The following SLC9A8 variants were observed in gnomAD, a reference collection of about 807,000 sequenced individuals.
SLC9A8 encodes the protein sodium/hydrogen exchanger 8.
A neutral mutation model predicts 66.6 loss-of-function variants in SLC9A8; 48 were observed. The ratio of observed to expected loss-of-function variants is 0.72; its 90% CI spans 0.57 to 0.92. SLC9A8 has a LOEUF of 0.92. Ranked by LOEUF, SLC9A8 falls within the 40% of genes least tolerant of loss-of-function variation. SLC9A8 has a pLI of 0.00. For synonymous variants in SLC9A8, 274 were observed against 282.6 expected (o/e 0.97, Z 0.31); for missense variants, 599 against 747.3 (o/e 0.80, Z 2.31).
chr20:49,824,071 A>G (rs964495543), intron 3 of SLC9A8, among the ~76,000 whole-genome samples: 1 of 152,252 alleles, frequency 6.6e-6, no homozygotes, highest in Non-Finnish European at 1.5e-5. Context: ...CAGCAGTCCT[A>G]CTACCTTGGT....
Position 49,886,217 on chromosome 20 carries a change from A to G in SLC9A8, c.1492-535A>G, listed in dbSNP as rs1411165152. On this transcript the variant is annotated intron_variant, in intron 14 of 15. Coordinates refer to ENST00000361573, the MANE Select transcript of SLC9A8 (RefSeq NM_015266.3). This position sits in a 1 kb window ranked among gnomAD's most constrained non-coding sequence, Gnocchi z 4.8. ...CTCAGAGCCTGTCTGCTTTGCTCCT[A>G]CCTATGACCCGAGTCCCGCCTCTTT... is the stretch of plus-strand genomic sequence containing the variant. Among the ~76,000 whole-genome samples the G allele has an allele frequency of 6.6e-6, 1 of 150,530 alleles. No individual in the cohort carries two copies. Among genetic ancestry groups the G allele is most frequent in the Non-Finnish European group, 1.5e-5 (1 of 67,632 alleles).
intron 1 of SLC9A8, among the ~76,000 whole-genome samples, chr20:49,814,246 A>C (rs2086464786): frequency 6.6e-6 from 1 of 152,198 alleles, no homozygotes; most frequent in Non-Finnish European, 1.5e-5. Context: ...GAAGTTTTGC[A>C]ACCTCCCTGA....
At chr20:49,876,721 C>CA (rs968760739) in intron 11 of SLC9A8, among the ~76,000 whole-genome samples, 75 of 152,166 alleles carry the variant, frequency 4.9e-4, no homozygotes, top group African/African-American at 1.5e-3. Flanking sequence ...CCAACTGTGG[C>CA]AAAGTGGCAG....
At chr20:49,884,690 C>T (rs1347044660) in intron 14 of SLC9A8, among the ~76,000 whole-genome samples, 1 of 152,098 alleles carries the variant, frequency 6.6e-6, no homozygotes, top group Non-Finnish European at 1.5e-5. Flanking sequence ...GGGTACTCCC[C>T]CAAGGACAGA....
intron 3 of SLC9A8, among the ~76,000 whole-genome samples, chr20:49,831,400 A>T (rs1228346406): frequency 1.4e-5 from 2 of 139,834 alleles, no homozygotes; most frequent in Admixed American, 1.4e-4. Flanking sequence ...AAACACACAC[A>T]CACTCTCTCT....
rs971764442 is a variant in SLC9A8, at chr20:49,890,388, T to TAG, written c.*2453_*2454insGA. On this transcript the variant is annotated 3_prime_UTR_variant, in exon 16 of 16. Coordinates refer to ENST00000361573, the MANE Select transcript of SLC9A8 (RefSeq NM_015266.3). Reference sequence around the variant, plus strand: ...ATAGAAGATATAAAAATACGCAGCTTAACTATATCTTCCTGCGTGTGTATT... The same window carrying TAG: ...ATAGAAGATATAAAAATACGCAGCTTAGAACTATATCTTCCTGCGTGTGTATT... 2.7e-4 allele frequency: 41 copies of TAG among 152,336 alleles called. No homozygotes were observed. Among genetic ancestry groups the TAG allele is most frequent in the African/African-American group, 9.9e-4 (41 of 41,570 alleles). The allele number at this position is 152,336 out of a possible 1,614,324, so 9.4% of individuals were successfully genotyped here. A position where few individuals can be genotyped will look rare whatever the true frequency, so the allele number is the denominator to read the frequency against.
rs749149085 is a variant in SLC9A8 at position 49,823,023 on chromosome 20, GT to G, written c.209-30del. 2.1e-5 allele frequency: 32 copies of G among 1,530,018 alleles called. No homozygotes were observed. The South Asian group carries it at 2.1e-4, about 10-fold the overall frequency. 94.8% of individuals were successfully genotyped at this position (1,530,018 alleles called of 1,614,324 possible). On this transcript the variant is annotated intron_variant, in intron 2 of 15. Transcript: ENST00000361573. ...TGGTGTTTATCATTCAGAATTGAGT[GT>G]TTTTTTTAAAACATTGTATTATTTT...
At position 49,886,809 on chromosome 20, in the gene SLC9A8, C is replaced by T. The variant is rs1247835947; in HGVS notation, c.1549C>T (p.His517Tyr). The change falls in exon 15 of 16, where the codon CAC (histidine) becomes TAC (tyrosine). Residue 517 changes from histidine (H) to tyrosine (Y), a missense_variant. This residue lies in a region of SLC9A8 where 467 missense variants were observed against 626.5 expected (regional missense o/e 0.75). Transcript: ENST00000361573. The surrounding 1 kb of genome is among the most constrained non-coding windows in gnomAD (Gnocchi z 4.8). ...GCTCACGGAGGAGGAGTACGAGGCC[C>T]ACTACATCAGGCGGCAGGACCTTAA... ...SELTEEEYEA[H>Y]YIRRQDLKGF... is the part of the protein sequence containing the mutation. 6.2e-7 allele frequency: 1 copy of T among 1,614,178 alleles called. No homozygotes were observed.
chr20:49,820,212 G>A (rs1174450026), intron 2 of SLC9A8, among the ~76,000 whole-genome samples: 1 of 152,064 alleles, frequency 6.6e-6, no homozygotes, highest in Non-Finnish European at 1.5e-5. Context: ...TGATAGACTG[G>A]GCGTGGTGGC....
chr20:49,823,469 A>G (rs2086813625), intron 3 of SLC9A8, among the ~76,000 whole-genome samples: 1 of 152,196 alleles, frequency 6.6e-6, no homozygotes, highest in African/African-American at 2.4e-5. Flanking sequence ...GCTGACATCC[A>G]ACTCAACTAA....
chr20:49,846,394 A>G (rs1320374070), intron 5 of SLC9A8, among the ~76,000 whole-genome samples: 1 of 151,668 alleles, frequency 6.6e-6, no homozygotes. Context: ...CACAACACAG[A>G]TCTAATCATG....
intron 11 of SLC9A8, among the ~76,000 whole-genome samples, chr20:49,875,822 C>T (rs985001022): frequency 2.0e-5 from 3 of 151,986 alleles, no homozygotes; most frequent in African/African-American, 4.8e-5. Context: ...GCAAGCTCCG[C>T]CTCCCGGGTT....
chr20:49,864,557 A>G lies in SLC9A8; in HGVS notation c.853-182A>G, dbSNP rs753416310. Among the ~76,000 whole-genome samples the G allele has an allele frequency of 3.3e-5, 5 of 152,336 alleles. 1 individual carries two copies. In the South Asian group the frequency reaches 8.3e-4, roughly 25 times the overall value. ...TGTTTTGTCAGATTCCCTTTCTTATAGCAACAGTCTCCCTACAAAGGAAAA... is the reference window on the plus strand; with the variant it reads ...TGTTTTGTCAGATTCCCTTTCTTATGGCAACAGTCTCCCTACAAAGGAAAA... On this transcript the variant is annotated intron_variant, in intron 9 of 15. Coordinates refer to ENST00000361573, the MANE Select transcript of SLC9A8 (RefSeq NM_015266.3).
chr20:49,880,450 G>A (rs188340169), intron 12 of SLC9A8, among the ~76,000 whole-genome samples: 1 of 152,216 alleles, frequency 6.6e-6, no homozygotes, highest in Admixed American at 6.5e-5. Flanking sequence ...TCCATGCATG[G>A]GAGGTCCTTC....
At chr20:49,829,444 A>G (rs1233962063) in intron 3 of SLC9A8, 1 of 188,284 alleles carries the variant, frequency 5.3e-6, no homozygotes, top group Non-Finnish European at 1.1e-5. Context: ...AATAGCATGA[A>G]CCCGGGAGGT....
intron 10 of SLC9A8, among the ~76,000 whole-genome samples, chr20:49,868,132 C>T (rs1157370739): frequency 2.0e-5 from 3 of 152,186 alleles, no homozygotes; most frequent in African/African-American, 7.2e-5. Context: ...GTTCCTCTAC[C>T]CCCTTGAGAA....
intron 3 of SLC9A8, among the ~76,000 whole-genome samples, chr20:49,833,893 G>T (rs2087316021): frequency 6.6e-6 from 1 of 152,184 alleles, no homozygotes; most frequent in African/African-American, 2.4e-5. Flanking sequence ...GAAAATGTTA[G>T]AACTTGTGTT....
rs1483511161 is a variant in SLC9A8, at chr20:49,886,076, C to T, written c.1492-676C>T. The stretch of plus-strand genomic sequence containing the variant: ...CATCTAAATGCCCTCCCCTCCCCGG[C>T]CATCCTCTGCCCTCCCTGCACCTGC... On this transcript the variant is annotated intron_variant, in intron 14 of 15. Transcript: ENST00000361573. The surrounding 1 kb of genome is among the most constrained non-coding windows in gnomAD (Gnocchi z 4.8). Among the ~76,000 whole-genome samples the T allele has an allele frequency of 6.6e-6, 1 of 151,820 alleles. No individual in the cohort carries two copies. Among genetic ancestry groups the T allele is most frequent in the African/African-American group, 2.4e-5 (1 of 41,288 alleles).
At chr20:49,846,581 T>C (rs1206353003) in intron 5 of SLC9A8, among the ~76,000 whole-genome samples, 2 of 152,012 alleles carry the variant, frequency 1.3e-5, no homozygotes, top group Non-Finnish European at 2.9e-5. Flanking sequence ...TCATTTATTA[T>C]TAATAACAAT....
Sources: gnomAD v4.1 joint callset for allele counts (sites outside exome capture counted in the v4.1 genomes callset) on GRCh38, gnomAD v4.1.1 for gene constraint, gnomAD v4.1.1 regional missense constraint, Gnocchi (gnomAD v3.1) non-coding constraint, MANE v1.5 for transcripts, NCBI Gene and HGNC (gene_info 2026-07-23, HGNC 2026-07-21) for gene names.